PTPRR: variants seen among roughly 807,000 people sequenced by gnomAD.
The protein encoded by PTPRR is receptor-type tyrosine-protein phosphatase R.
PTPRR carries 38 observed loss-of-function variants against 77.2 expected under a neutral mutation model. That is an observed-to-expected ratio of 0.49 (90% CI 0.38 to 0.65). The LOEUF (loss-of-function observed/expected upper bound fraction) is 0.65. Ranked by LOEUF, PTPRR falls within the 30% of genes least tolerant of loss-of-function variation. The probability of loss-of-function intolerance (pLI) is 0.00; values close to 1 mark genes in which losing one functional copy is unlikely to be tolerated. For missense variants in PTPRR, 744 were observed against 799.2 expected (o/e 0.93, Z 0.83); for synonymous variants, 299 against 283.1 (o/e 1.06, Z -0.57).
chr12:70,688,873 T>G (rs1481827268), intron 8 of PTPRR, among the ~76,000 whole-genome samples: 1 of 152,180 alleles, frequency 6.6e-6, no homozygotes, highest in Admixed American at 6.6e-5. Context: ...AGCAGGAAAT[T>G]CTGTCATTTG....
At chr12:70,657,773 C>T (rs558877416) in intron 12 of PTPRR, among the ~76,000 whole-genome samples, 15 of 152,294 alleles carry the variant, frequency 9.8e-5, no homozygotes, top group Admixed American at 6.5e-4. Context: ...TTACATCTCT[C>T]CCTTTCTCAC....
Position 70,920,634 on chromosome 12 carries a change from G to A in PTPRR, c.-244C>T, listed in dbSNP as rs1282939379. ...AAGGGGAACAGAAGCGCTCAGAGGC[G>A]GCAAATGCCTGGCCTTCTGGACGCC... On this transcript the variant is annotated 5_prime_UTR_variant, in exon 1 of 14. Coordinates refer to ENST00000283228, the MANE Select transcript of PTPRR (RefSeq NM_002849.4). 27 of 436,016 alleles carry A rather than the reference G, an allele frequency of 6.2e-5. No individual in the cohort carries two copies. The South Asian group carries it at 6.4e-4, about 10-fold the overall frequency. 27.0% of individuals were successfully genotyped at this position (436,016 alleles called of 1,614,324 possible).
At chr12:70,831,968 A>C (rs1892220650) in intron 2 of PTPRR, among the ~76,000 whole-genome samples, 1 of 152,202 alleles carries the variant, frequency 6.6e-6, no homozygotes. Flanking sequence ...CACATTCTGA[A>C]ACAAAATCGC....
chr12:70,883,935 T>A (rs529286311), intron 2 of PTPRR, among the ~76,000 whole-genome samples: 69 of 152,334 alleles, frequency 4.5e-4, no homozygotes, highest in Admixed American at 3.0e-3. Flanking sequence ...TATTCTATTC[T>A]ATTGTTTCCC....
intron 2 of PTPRR, among the ~76,000 whole-genome samples, chr12:70,877,284 A>C (rs1396958341): frequency 6.6e-6 from 1 of 152,150 alleles, no homozygotes; most frequent in African/African-American, 2.4e-5. Context: ...CCAAGGCAAG[A>C]AGCCCATTAC....
intron 1 of PTPRR, among the ~76,000 whole-genome samples, chr12:70,894,328 G>A (rs920102820): frequency 6.6e-6 from 1 of 151,400 alleles, no homozygotes; most frequent in Non-Finnish European, 1.5e-5. Context: ...CATGCTACTG[G>A]GCATTTAAAT....
At chr12:70,800,744 A>C (rs1366508026) in intron 2 of PTPRR, among the ~76,000 whole-genome samples, 1 of 151,996 alleles carries the variant, frequency 6.6e-6, no homozygotes, top group Non-Finnish European at 1.5e-5. Context: ...AAAATACAAA[A>C]ATTAGCTGGG....
At chr12:70,718,867 A>G (rs1185267602) in intron 6 of PTPRR, among the ~76,000 whole-genome samples, 1 of 152,200 alleles carries the variant, frequency 6.6e-6, no homozygotes, top group Non-Finnish European at 1.5e-5. Context: ...ATATTGTGTA[A>G]AACAATTTGA....
At chr12:70,917,512 GGTAGA>G (rs1893793030) in intron 1 of PTPRR, among the ~76,000 whole-genome samples, 1 of 152,060 alleles carries the variant, frequency 6.6e-6, no homozygotes, top group African/African-American at 2.4e-5. Flanking sequence ...GGCTGCCATG[GGTAGA>G]GTAGTGTCCA....
At chr12:70,731,832 A>G (rs1043236339) in intron 6 of PTPRR, among the ~76,000 whole-genome samples, 1 of 152,238 alleles carries the variant, frequency 6.6e-6, no homozygotes, top group African/African-American at 2.4e-5. Flanking sequence ...ACAAAAACGA[A>G]TAAGCTCTCA....
intron 1 of PTPRR, among the ~76,000 whole-genome samples, chr12:70,900,267 T>C (rs190615643): frequency 5.5e-4 from 84 of 151,676 alleles, no homozygotes; most frequent in African/African-American, 2.0e-3. Flanking sequence ...GCTATAGTTA[T>C]TGAGGTAGTG....
chr12:70,767,228 T>C (rs976331790), intron 2 of PTPRR, among the ~76,000 whole-genome samples: 34 of 152,026 alleles, frequency 2.2e-4, no homozygotes, highest in Non-Finnish European at 4.9e-4. Context: ...GCAAATTGGA[T>C]AAAGAGTCAA....
At chr12:70,886,115 G>T (rs1441451881) in intron 2 of PTPRR, among the ~76,000 whole-genome samples, 1 of 152,140 alleles carries the variant, frequency 6.6e-6, no homozygotes, top group Non-Finnish European at 1.5e-5. Context: ...TTAGCCTCTA[G>T]CTTTTCCAGA....
intron 6 of PTPRR, among the ~76,000 whole-genome samples, chr12:70,733,427 C>CAAAAAAAAAAAAAAAAAAAAAAAAAAA (rs764791536): frequency 1.1e-4 from 3 of 27,058 alleles, no homozygotes; most frequent in African/African-American, 2.3e-4. Flanking sequence ...CAAACAACAA[C>CAAAAAAAAAAAAAAAAAAAAAAAAAAA]AAAAAAAAAA....
In PTPRR at chr12:70,806,212, T is replaced by C. The variant is rs559728015; in HGVS notation, c.358-41434A>G. Among the ~76,000 whole-genome samples the C allele has an allele frequency of 1.4e-4, 22 of 152,284 alleles. No homozygotes were observed. In the South Asian group the frequency reaches 4.4e-3, roughly 30 times the overall value. On this transcript the variant is annotated intron_variant, in intron 2 of 13. Transcript: ENST00000283228. ...ATATTGGCTGCCTGTTTGGAAATCA[T>C]TTCAAATGAAAGCAACCTTGAACTG...
intron 2 of PTPRR, among the ~76,000 whole-genome samples, chr12:70,843,474 G>T (rs909972101): frequency 6.6e-6 from 1 of 152,090 alleles, no homozygotes; most frequent in Non-Finnish European, 1.5e-5. Context: ...ACCATAGAAG[G>T]TAACCTATCT....
intron 8 of PTPRR, among the ~76,000 whole-genome samples, chr12:70,691,390 CAA>C (rs1253253667): frequency 1.3e-5 from 2 of 152,098 alleles, no homozygotes; most frequent in African/African-American, 4.8e-5. Context: ...GGCCTCTTTC[CAA>C]TCTCCTGCTC....
rs1008145866 is a variant in PTPRR at position 70,754,357 on chromosome 12, T to C, written c.628-56A>G. 5 of 1,604,516 alleles carry C rather than the reference T, an allele frequency of 3.1e-6. No homozygotes were observed. In the South Asian group the frequency reaches 5.5e-5, roughly 18 times the overall value. On this transcript the variant is annotated intron_variant, in intron 4 of 13. Coordinates refer to ENST00000283228, the MANE Select transcript of PTPRR (RefSeq NM_002849.4). ...AAATGAGAGCTTGAGAAAACTGGCGTTCTTATCAGACACTAAACATATTTT... is the reference window on the plus strand; with the variant it reads ...AAATGAGAGCTTGAGAAAACTGGCGCTCTTATCAGACACTAAACATATTTT...
chr12:70,797,839 T>C (rs930243193), intron 2 of PTPRR, among the ~76,000 whole-genome samples: 2 of 152,224 alleles, frequency 1.3e-5, no homozygotes, highest in African/African-American at 4.8e-5. Flanking sequence ...AACTTCTTAA[T>C]GCTGATGATG....
Sources: allele counts gnomAD v4.1 joint callset (sites outside exome capture counted in the v4.1 genomes callset), GRCh38; gene constraint gnomAD v4.1.1; transcripts MANE v1.5; gene names NCBI Gene and HGNC (gene_info 2026-07-23, HGNC 2026-07-21).